ZPBP: variants seen among roughly 807,000 people sequenced by gnomAD.
The protein encoded by ZPBP is zona pellucida-binding protein 1.
ZPBP carries 26 observed loss-of-function variants against 44.8 expected under a neutral mutation model. That is an observed-to-expected ratio of 0.58 (90% CI 0.43 to 0.81). The LOEUF (loss-of-function observed/expected upper bound fraction) is 0.81, where lower values mean the gene tolerates loss of function less well. ZPBP is among the 30% of genes least tolerant of loss of function. The pLI is 0.00. For missense variants in ZPBP, 409 were observed against 434.0 expected (o/e 0.94, Z 0.51); for synonymous variants, 174 against 153.2 (o/e 1.14, Z -1.00).
chr7:50,030,442 G>A (rs1448882175), intron 5 of ZPBP, among the ~76,000 whole-genome samples: 1 of 151,276 alleles, frequency 6.6e-6, no homozygotes, highest in Non-Finnish European at 1.5e-5. Flanking sequence ...AGAAAGAGAA[G>A]GGAAAGTCAG....
At chr7:50,044,555 CT>C (rs1409060815) in intron 4 of ZPBP, among the ~76,000 whole-genome samples, 3 of 152,252 alleles carry the variant, frequency 2.0e-5, no homozygotes, top group Admixed American at 2.0e-4. Flanking sequence ...GGCAAATAAA[CT>C]ACAAAATCTA....
At chr7:50,034,999 G>A (rs768048545) in intron 4 of ZPBP, among the ~76,000 whole-genome samples, 1 of 152,216 alleles carries the variant, frequency 6.6e-6, no homozygotes, top group African/African-American at 2.4e-5. Flanking sequence ...TTGCCCGATG[G>A]CAGGACACCA....
intron 4 of ZPBP, among the ~76,000 whole-genome samples, chr7:50,050,788 CAAAAAAAAAAAAAA>C (rs751875216): frequency 4.1e-4 from 11 of 26,846 alleles, no homozygotes; most frequent in Non-Finnish European, 6.1e-4. Context: ...GACTCCGTCT[CAAAAAAAAAAAAAA>C]AAAAAAAAAA....
downstream of ZPBP, among the ~76,000 whole-genome samples, chr7:49,933,602 C>T (rs149568460): frequency 0.013 from 2,046 of 152,198 alleles, 38 homozygotes; most frequent in African/African-American, 0.046. Context: ...CACATGCAAA[C>T]GTATGTTTAT....
intron 7 of ZPBP, among the ~76,000 whole-genome samples, chr7:49,977,967 CTA>C (rs1796602997): frequency 6.6e-6 from 1 of 151,894 alleles, no homozygotes; most frequent in Non-Finnish European, 1.5e-5. Flanking sequence ...TCTGATACAC[CTA>C]TGAGTTTTAA....
At chr7:50,021,036 C>A (rs543459935) in intron 5 of ZPBP, among the ~76,000 whole-genome samples, 5 of 152,094 alleles carry the variant, frequency 3.3e-5, no homozygotes, top group African/African-American at 1.2e-4. Context: ...GAAACATACA[C>A]ACTGAAGAGG....
chr7:49,972,387 TA>T lies in ZPBP; in HGVS notation c.961+10954del, dbSNP rs556112733. Among the ~76,000 whole-genome samples the T allele has an allele frequency of 1.7e-3, 266 of 152,110 alleles. 3 individuals carry two copies. Among genetic ancestry groups the T allele is most frequent in the African/African-American group, 6.0e-3 (249 of 41,540 alleles). On this transcript the variant is annotated intron_variant, in intron 7 of 7. Transcript: ENST00000046087. ...TCTTTTATATCTAATACATATTCAG[TA>T]AAGGTGCAACATACAAAATCAACTT...
chr7:50,012,232 C>A (rs1216689962), intron 6 of ZPBP, among the ~76,000 whole-genome samples: 1 of 151,890 alleles, frequency 6.6e-6, no homozygotes, highest in Non-Finnish European at 1.5e-5. Context: ...ACGCAACTCA[C>A]TAAAAGTGAA....
At position 49,985,044 on chromosome 7, in the gene ZPBP, A is replaced by T. The variant is rs1322079529; in HGVS notation, c.784-1525T>A. Among the ~76,000 whole-genome samples, 6 of 152,166 alleles carry T rather than the reference A, an allele frequency of 3.9e-5. No individual in the cohort carries two copies. In the South Asian group the frequency reaches 1.2e-3, roughly 32 times the overall value. On this transcript the variant is annotated intron_variant, in intron 6 of 7. Transcript: ENST00000046087. ...ACGTTACATTAATTGGCATGGCTAA[A>T]TTGTCCCCCTGGGAGTAAGTGTGGA... is the stretch of plus-strand genomic sequence containing the variant.
chr7:49,877,507 T>TATATATATATATATATATATAG (rs1349966764), intron 2 of ZPBP, among the ~76,000 whole-genome samples: 2 of 90,318 alleles, frequency 2.2e-5, no homozygotes, highest in Non-Finnish European at 4.6e-5. Flanking sequence ...TATATATATA[T>TATATATATATATATATATATAG]ATATATATAT....
chr7:49,867,256 A>C (rs1790935610), intron 2 of ZPBP, among the ~76,000 whole-genome samples: 1 of 152,224 alleles, frequency 6.6e-6, no homozygotes, highest in African/African-American at 2.4e-5. Context: ...ATATTGACCA[A>C]ACTATCACTA....
At chr7:50,048,601 A>T (rs1328125299) in intron 4 of ZPBP, among the ~76,000 whole-genome samples, 1 of 152,110 alleles carries the variant, frequency 6.6e-6, no homozygotes, top group African/African-American at 2.4e-5. Context: ...TCAAAGAAAA[A>T]ATCAAAAGAT....
At chr7:49,850,225 A>T (rs1790121344), downstream of ZPBP, among the ~76,000 whole-genome samples, 1 of 152,192 alleles carries the variant, frequency 6.6e-6, no homozygotes, top group African/African-American at 2.4e-5. Context: ...TGAAGGTTTG[A>T]CTGTAGTAAC....
At chr7:49,997,767 G>C (rs1797914885) in intron 6 of ZPBP, among the ~76,000 whole-genome samples, 1 of 152,306 alleles carries the variant, frequency 6.6e-6, no homozygotes, top group African/African-American at 2.4e-5. Context: ...ACTTTTCACT[G>C]TGGTTAGAGA....
At chr7:49,849,180 C>T (rs915051511), downstream of ZPBP, among the ~76,000 whole-genome samples, 3 of 152,174 alleles carry the variant, frequency 2.0e-5, no homozygotes, top group Non-Finnish European at 2.9e-5. Flanking sequence ...CACTGGATCC[C>T]GTGAAGCCTC....
chr7:49,874,874 C>G (rs1164660552), intron 2 of ZPBP, among the ~76,000 whole-genome samples: 1 of 152,066 alleles, frequency 6.6e-6, no homozygotes, highest in Non-Finnish European at 1.5e-5. Context: ...ATGGCCAGAA[C>G]CTGCCTGTTG....
intron 7 of ZPBP, among the ~76,000 whole-genome samples, chr7:49,975,117 A>G (rs910685962): frequency 6.6e-6 from 1 of 152,124 alleles, no homozygotes; most frequent in African/African-American, 2.4e-5. Flanking sequence ...TTCCTGCTAC[A>G]GTTCTGTGAA....
At chr7:49,972,631 ATAT>A (rs1048797340) in intron 7 of ZPBP, among the ~76,000 whole-genome samples, 9 of 152,094 alleles carry the variant, frequency 5.9e-5, no homozygotes, top group African/African-American at 2.2e-4. Context: ...GGTAGACTTA[ATAT>A]TATTAAGATG....
At chr7:50,087,741 T>C (rs1158068614) in intron 2 of ZPBP, among the ~76,000 whole-genome samples, 1 of 152,018 alleles carries the variant, frequency 6.6e-6, no homozygotes, top group Non-Finnish European at 1.5e-5. Flanking sequence ...ACTTGCATAC[T>C]GAAAACTATA....
Sources: allele counts gnomAD v4.1 joint callset (sites outside exome capture counted in the v4.1 genomes callset), GRCh38; gene constraint gnomAD v4.1.1; transcripts MANE v1.5; gene names NCBI Gene and HGNC (gene_info 2026-07-23, HGNC 2026-07-21).